PTPRE: variants seen among roughly 807,000 people sequenced by gnomAD.
PTPRE encodes receptor-type tyrosine-protein phosphatase epsilon.
Under a neutral mutation model 102.0 loss-of-function variants are expected in PTPRE, and 51 were observed. That is an observed-to-expected ratio of 0.50 (90% CI 0.40 to 0.63). PTPRE has a LOEUF of 0.63. PTPRE is among the 30% of genes least tolerant of loss of function. The pLI is 0.00. For synonymous variants in PTPRE, 345 were observed against 348.2 expected, an observed-to-expected ratio of 0.99 and a Z score of 0.10; for missense variants, 752 against 915.1, an observed-to-expected ratio of 0.82 and a Z score of 2.30.
chr10:127,976,620 C>G (rs1347059079), intron 1 of PTPRE, among the ~76,000 whole-genome samples: 14 of 152,176 alleles, frequency 9.2e-5, no homozygotes, highest in Non-Finnish European at 2.1e-4. Context: ...TTTCTTCCCC[C>G]AGGCTTAGCA....
rs902752260 is a variant in PTPRE, at chr10:128,008,810, A to T, written c.-8+26514A>T. Among the ~76,000 whole-genome samples, 2 of 152,176 alleles carry T rather than the reference A, an allele frequency of 1.3e-5. No homozygotes were observed. Among genetic ancestry groups the T allele is most frequent in the African/African-American group, 4.8e-5 (2 of 41,438 alleles). Reference sequence around the variant, plus strand: ...CTCCAGGCATCCAGCCTGTGTCCTCATCCTGCCAGGGCCCCTGCTCCTCCT... The same window carrying T: ...CTCCAGGCATCCAGCCTGTGTCCTCTTCCTGCCAGGGCCCCTGCTCCTCCT... On this transcript the variant is annotated intron_variant, in intron 2 of 20. Coordinates refer to ENST00000254667, the MANE Select transcript of PTPRE (RefSeq NM_006504.6). The surrounding 1 kb of genome is among the most constrained non-coding windows in gnomAD (Gnocchi z 4.0).
chr10:128,078,759 T>C (rs751755215), intron 19 of PTPRE, among the ~76,000 whole-genome samples: 4 of 152,186 alleles, frequency 2.6e-5, no homozygotes, highest in Non-Finnish European at 5.9e-5. Flanking sequence ...ATGAGTTCCA[T>C]AGGGCACTGG....
intron 2 of PTPRE, among the ~76,000 whole-genome samples, chr10:128,026,793 CACCG>C: frequency 6.6e-6 from 1 of 152,268 alleles, no homozygotes; most frequent in Non-Finnish European, 1.5e-5. Context: ...GAGGCCAGCT[CACCG>C]TGGCTACATC....
intron 17 of PTPRE, among the ~76,000 whole-genome samples, chr10:128,075,593 A>G (rs1851154506): frequency 6.6e-6 from 1 of 152,090 alleles, no homozygotes; most frequent in African/African-American, 2.4e-5. Flanking sequence ...AGTATGTGAA[A>G]GTTTGAATTT....
chr10:127,925,586 T>C (rs1444060648), intron 1 of PTPRE, among the ~76,000 whole-genome samples: 1 of 152,180 alleles, frequency 6.6e-6, no homozygotes, highest in Non-Finnish European at 1.5e-5. Flanking sequence ...TGAACCATGG[T>C]CGAGGCCAGG....
intron 1 of PTPRE, among the ~76,000 whole-genome samples, chr10:127,937,369 C>T (rs1847909851): frequency 6.6e-6 from 1 of 152,080 alleles, no homozygotes; most frequent in South Asian, 2.1e-4. Flanking sequence ...CCACACTTGC[C>T]CAAATTAAAC....
At chr10:128,050,638 G>A (rs551950617) in intron 6 of PTPRE, among the ~76,000 whole-genome samples, 1 of 152,362 alleles carries the variant, frequency 6.6e-6, no homozygotes, top group South Asian at 2.1e-4. Flanking sequence ...AAAGAGGATA[G>A]ATTTTCAGCA....
At chr10:127,951,076 CA>C (rs1693389416) in intron 1 of PTPRE, among the ~76,000 whole-genome samples, 1 of 151,352 alleles carries the variant, frequency 6.6e-6, no homozygotes, top group East Asian at 1.9e-4. Flanking sequence ...GACTCCATCT[CA>C]AAAAAATAAA....
chr10:127,911,767 A>G (rs1329255218), intron 1 of PTPRE, among the ~76,000 whole-genome samples: 2 of 152,118 alleles, frequency 1.3e-5, no homozygotes, highest in African/African-American at 2.4e-5. Flanking sequence ...ATCTAGAGAG[A>G]GTGAGGAGAG....
At chr10:127,967,347 G>A (rs897613999) in intron 1 of PTPRE, among the ~76,000 whole-genome samples, 5 of 152,110 alleles carry the variant, frequency 3.3e-5, no homozygotes, top group African/African-American at 9.7e-5. Flanking sequence ...TAATCCCCAC[G>A]TGTCATGGGA....
chr10:127,913,916 T>A (rs1193649035), intron 1 of PTPRE, among the ~76,000 whole-genome samples: 1 of 152,212 alleles, frequency 6.6e-6, no homozygotes, highest in African/African-American at 2.4e-5. Context: ...TAAAGCTTTT[T>A]ATTCTGTTGT....
chr10:128,062,707 GA>G (rs915027420), intron 9 of PTPRE, among the ~76,000 whole-genome samples: 1 of 152,346 alleles, frequency 6.6e-6, no homozygotes, highest in African/African-American at 2.4e-5. Flanking sequence ...GTAAGATTTT[GA>G]CAAAGAGGAG....
At chr10:128,013,837 G>C (rs1331216247) in intron 2 of PTPRE, among the ~76,000 whole-genome samples, 1 of 152,186 alleles carries the variant, frequency 6.6e-6, no homozygotes, top group Non-Finnish European at 1.5e-5. Context: ...AAGATATTTT[G>C]TTATGGCAGC....
chr10:128,067,639 C>T (rs1850377717), intron 11 of PTPRE, among the ~76,000 whole-genome samples: 1 of 152,256 alleles, frequency 6.6e-6, no homozygotes, highest in Admixed American at 6.5e-5. Flanking sequence ...GCTCTGGGTC[C>T]AAAAGCTGAG....
intron 1 of PTPRE, among the ~76,000 whole-genome samples, chr10:127,948,358 C>T (rs184757167): frequency 4.1e-4 from 62 of 152,280 alleles, no homozygotes; most frequent in African/African-American, 1.4e-3. Context: ...TTATCCTACA[C>T]GTCATCATCA....
Position 127,910,144 on chromosome 10 carries a change from A to G in PTPRE, c.-31+2835A>G, listed in dbSNP as rs574168026. On this transcript the variant is annotated intron_variant, in intron 1 of 20. Transcript: ENST00000254667. ...ATTAGGGTAAAGACTGGCCTTCTTA[A>G]TATTTGAATATCACTTGGGAAGAAA... 2.0e-5 allele frequency among the ~76,000 whole-genome samples: 3 copies of G among 152,322 alleles called. No homozygotes were observed. The East Asian group carries it at 5.8e-4, about 29-fold the overall frequency.
chr10:127,978,218 A>T, intron 1 of PTPRE, among the ~76,000 whole-genome samples: 1 of 152,140 alleles, frequency 6.6e-6, no homozygotes, highest in East Asian at 1.9e-4. Flanking sequence ...AGACAAAAGA[A>T]GCAAAACAAA....
intron 1 of PTPRE, among the ~76,000 whole-genome samples, chr10:127,909,649 C>T (rs1197273785): frequency 2.0e-5 from 3 of 152,184 alleles, no homozygotes; most frequent in Non-Finnish European, 4.4e-5. Flanking sequence ...CTCCATGTTG[C>T]TTCTGAAATG....
In PTPRE at chr10:127,992,258, C is replaced by T. The variant is rs139585652; in HGVS notation, c.-8+9962C>T. 5.5e-3 allele frequency among the ~76,000 whole-genome samples: 829 copies of T among 152,066 alleles called. 4 individuals are homozygous for T. Among genetic ancestry groups the T allele is most frequent in the African/African-American group, 0.016 (674 of 41,478 alleles). ...GGTGGGGCCTGTGAGGCTCAGGTACCGAATGTCTGTGCTAAGCAACCACGT... is the reference window on the plus strand; with the variant it reads ...GGTGGGGCCTGTGAGGCTCAGGTACTGAATGTCTGTGCTAAGCAACCACGT... On this transcript the variant is annotated intron_variant, in intron 2 of 20. Transcript: ENST00000254667.
Sources: gnomAD v4.1 joint callset for allele counts (sites outside exome capture counted in the v4.1 genomes callset) on GRCh38, gnomAD v4.1.1 for gene constraint, Gnocchi (gnomAD v3.1) non-coding constraint, MANE v1.5 for transcripts, NCBI Gene and HGNC (gene_info 2026-07-23, HGNC 2026-07-21) for gene names.